ELOVL5: variants seen among roughly 807,000 people sequenced by gnomAD.
The protein encoded by ELOVL5 is very long chain fatty acid elongase 5.
A neutral mutation model predicts 38.6 loss-of-function variants in ELOVL5; 8 were observed. The ratio of observed to expected loss-of-function variants is 0.21; its 90% CI spans 0.12 to 0.37. The LOEUF (loss-of-function observed/expected upper bound fraction) is 0.37, where lower values mean the gene tolerates loss of function less well. Among genes scored for constraint, ELOVL5 ranks in the 10% least tolerant of loss-of-function variants. The pLI, the probability that ELOVL5 is intolerant of heterozygous loss-of-function variation, is 1.00. For missense variants in ELOVL5, 280 were observed against 367.8 expected, an observed-to-expected ratio of 0.76 and a Z score of 1.95; for synonymous variants, 127 against 133.7, an observed-to-expected ratio of 0.95 and a Z score of 0.34.
intron 1 of ELOVL5, among the ~76,000 whole-genome samples, chr6:53,339,265 A>T (rs1769217323): frequency 6.6e-6 from 1 of 152,200 alleles, no homozygotes. Flanking sequence ...TGAATATATA[A>T]GCCACCCCAT....
rs147337321 is a variant in ELOVL5 at position 53,302,582 on chromosome 6, G to A, written c.-8-6875C>T. 3.9e-3 allele frequency among the ~76,000 whole-genome samples: 592 copies of A among 152,174 alleles called. 5 individuals carry two copies. The highest frequency in any genetic ancestry group is 0.014 in the African/African-American group (572 of 41,550). On this transcript the variant is annotated intron_variant, in intron 1 of 7. Coordinates refer to ENST00000304434, the MANE Select transcript of ELOVL5 (RefSeq NM_021814.5). The stretch of plus-strand genomic sequence containing the variant: ...AGAGTGACAAAGCTGCCCAGCAAAG[G>A]AAAAGTACTGGGATCTTAAGGCAAA...
At chr6:53,312,014 G>T (rs1767857208) in intron 1 of ELOVL5, among the ~76,000 whole-genome samples, 1 of 152,150 alleles carries the variant, frequency 6.6e-6, no homozygotes, top group East Asian at 1.9e-4. Flanking sequence ...CACTAAGATT[G>T]ACTTATGATT....
chr6:53,327,649 A>G (rs1346625318), intron 1 of ELOVL5, among the ~76,000 whole-genome samples: 4 of 152,208 alleles, frequency 2.6e-5, no homozygotes, highest in Non-Finnish European at 4.4e-5. Flanking sequence ...AATGCCACTG[A>G]GTTGAACATT....
chr6:53,302,611 G>A (rs1215678034), intron 1 of ELOVL5, among the ~76,000 whole-genome samples: 1 of 151,158 alleles, frequency 6.6e-6, no homozygotes, highest in Non-Finnish European at 1.5e-5. Flanking sequence ...AGGCAAATCT[G>A]TTTTAAAAGG....
chr6:53,330,068 G>A (rs1280314965), intron 1 of ELOVL5, among the ~76,000 whole-genome samples: 2 of 152,098 alleles, frequency 1.3e-5, no homozygotes, highest in Non-Finnish European at 2.9e-5. Flanking sequence ...GTCACTGGGC[G>A]ATTTCATCAT....
chr6:53,276,087 C>A (rs188521089), intron 4 of ELOVL5, 92 bp downstream of exon 4: 114 of 788,558 alleles, frequency 1.4e-4, no homozygotes, highest in South Asian at 2.6e-4. Flanking sequence ...ATTGCCTGGG[C>A]AGTGAGGTTA....
At chr6:53,344,739 C>A (rs1303299204) in intron 1 of ELOVL5, among the ~76,000 whole-genome samples, 1 of 152,164 alleles carries the variant, frequency 6.6e-6, no homozygotes, top group Admixed American at 6.5e-5. Context: ...ACTTGCCTTT[C>A]TCACCTTTTC....
At chr6:53,276,304 A>G in intron 3 of ELOVL5, 48 bp from the exon 4 acceptor site, 1 of 1,238,032 alleles carries the variant, frequency 8.1e-7, no homozygotes, top group Non-Finnish European at 1.2e-6. Flanking sequence ...GAGCCATGTA[A>G]AGTCCTCATT....
At chr6:53,286,036 T>C (rs1766557624) in intron 3 of ELOVL5, among the ~76,000 whole-genome samples, 1 of 152,216 alleles carries the variant, frequency 6.6e-6, no homozygotes, top group Non-Finnish European at 1.5e-5. Flanking sequence ...CTTACTTTAT[T>C]GCAATACTCA....
intron 1 of ELOVL5, among the ~76,000 whole-genome samples, chr6:53,345,926 G>A (rs1769521102): frequency 6.6e-6 from 1 of 152,118 alleles, no homozygotes; most frequent in South Asian, 2.1e-4. Context: ...TAAGTTATGC[G>A]ATACATGTGC....
intron 7 of ELOVL5, among the ~76,000 whole-genome samples, chr6:53,269,788 G>A (rs541120047): frequency 5.7e-4 from 87 of 152,346 alleles, no homozygotes; most frequent in Non-Finnish European, 1.1e-3. Context: ...TGTAGCTGGT[G>A]TATGTCCCAC....
At chr6:53,285,365 A>C (rs1440879141) in intron 3 of ELOVL5, among the ~76,000 whole-genome samples, 2 of 152,230 alleles carry the variant, frequency 1.3e-5, no homozygotes, top group Non-Finnish European at 2.9e-5. Context: ...AACTCACTTC[A>C]ATTCTGTGAA....
intron 6 of ELOVL5, among the ~76,000 whole-genome samples, chr6:53,271,535 C>T (rs1037846210): frequency 2.0e-5 from 3 of 151,976 alleles, no homozygotes; most frequent in South Asian, 2.1e-4. Context: ...GGTGACAGAG[C>T]GAGACTCCAG....
intron 1 of ELOVL5, among the ~76,000 whole-genome samples, chr6:53,300,032 G>A (rs1767184499): frequency 6.6e-6 from 1 of 152,188 alleles, no homozygotes. Context: ...AGAAGGGGCA[G>A]GTAGAGGTAG....
At chr6:53,313,427 G>C (rs1252968797) in intron 1 of ELOVL5, among the ~76,000 whole-genome samples, 2 of 152,058 alleles carry the variant, frequency 1.3e-5, no homozygotes, top group African/African-American at 4.8e-5. Flanking sequence ...GTGGCACAAT[G>C]ATGGCTCACT....
At chr6:53,345,222 G>GA (rs1769486902) in intron 1 of ELOVL5, among the ~76,000 whole-genome samples, 2 of 152,164 alleles carry the variant, frequency 1.3e-5, no homozygotes, top group Admixed American at 1.3e-4. Flanking sequence ...AGTCATCTTG[G>GA]AAAATCAGTC....
At position 53,326,494 on chromosome 6, in the gene ELOVL5, A is replaced by G. The variant is rs191445851; in HGVS notation, c.-9+22323T>C. ...CCCCAACCCCACCCGTTTCCTTTTCACATTCTGCAGTGTGTCCTTGACTCC... is the reference window on the plus strand; with the variant it reads ...CCCCAACCCCACCCGTTTCCTTTTCGCATTCTGCAGTGTGTCCTTGACTCC... On this transcript the variant is annotated intron_variant, in intron 1 of 7. Transcript: ENST00000304434. Among the ~76,000 whole-genome samples the G allele has an allele frequency of 7.9e-5, 12 of 151,452 alleles. No homozygotes were observed. In the East Asian group the frequency reaches 2.1e-3, roughly 27 times the overall value.
At chr6:53,281,906 C>T (rs1036795990) in intron 3 of ELOVL5, among the ~76,000 whole-genome samples, 10 of 151,464 alleles carry the variant, frequency 6.6e-5, no homozygotes, top group African/African-American at 2.2e-4. Flanking sequence ...TTAAAAAAGA[C>T]AGGTTCTGTA....
rs1450616716 is a variant in ELOVL5, at chr6:53,295,664, G to A, written c.36C>T (p.Phe12=). The part of the protein sequence containing the change: ...EHFDASLSTY[F]KALLGPRDTR... ...TACCTCGAGGGCCTAGCAATGCCTT[G>A]AAATAGGTACTAAGTGATGCATCAA... is the stretch of plus-strand genomic sequence containing the variant. Residue 12 remains phenylalanine, a synonymous_variant, in exon 2 of 8, where the codon TTC becomes TTT. Coordinates refer to ENST00000304434, the MANE Select transcript of ELOVL5 (RefSeq NM_021814.5). 6.2e-7 allele frequency: 1 copy of A among 1,600,936 alleles called. No individual in the cohort carries two copies. Among genetic ancestry groups the A allele is most frequent in the African/African-American group, 1.4e-5 (1 of 74,050 alleles).
Sources: gnomAD v4.1 joint callset for allele counts (sites outside exome capture counted in the v4.1 genomes callset) on GRCh38, gnomAD v4.1.1 for gene constraint, MANE v1.5 for transcripts, NCBI Gene and HGNC (gene_info 2026-07-23, HGNC 2026-07-21) for gene names.